OR51B5: variants seen among roughly 807,000 people sequenced by gnomAD.
OR51B5 encodes olfactory receptor family 51 subfamily B member 5, also known as olfactory receptor 51B5.
For synonymous variants in OR51B5, 186 were observed against 144.8 expected, an observed-to-expected ratio of 1.28 and a Z score of -2.04; for missense variants, 456 against 374.6, an observed-to-expected ratio of 1.22 and a Z score of -1.79.
intron 1 of OR51B5, among the ~76,000 whole-genome samples, chr11:5,483,042 A>G (rs953338216): frequency 1.4e-5 from 2 of 145,316 alleles, no homozygotes; most frequent in Non-Finnish European, 3.0e-5. Context: ...ATGCTGCTAT[A>G]AAGACACATG....
chr11:5,482,759 CTCA>C (rs1851443638), intron 1 of OR51B5, among the ~76,000 whole-genome samples: 1 of 71,242 alleles, frequency 1.4e-5, no homozygotes, highest in Non-Finnish European at 2.6e-5. Context: ...TGAAAAAATG[CTCA>C]TCATCACTGG....
chr11:5,377,852 G>A (rs1325597286), intron 1 of OR51B5, among the ~76,000 whole-genome samples: 1 of 152,062 alleles, frequency 6.6e-6, no homozygotes, highest in East Asian at 1.9e-4. Flanking sequence ...CTTATGGGTA[G>A]GAAGAATCAA....
chr11:5,460,745 G>T (rs961911788), intron 1 of OR51B5, among the ~76,000 whole-genome samples: 12 of 152,162 alleles, frequency 7.9e-5, no homozygotes, highest in African/African-American at 2.9e-4. Flanking sequence ...CCTTTCAACA[G>T]GGCTTTTGCT....
intron 1 of OR51B5, among the ~76,000 whole-genome samples, chr11:5,463,863 A>T (rs182268580): frequency 6.2e-4 from 94 of 152,320 alleles, no homozygotes; most frequent in Non-Finnish European, 2.6e-4. Context: ...TCCTTTTAAA[A>T]TGCTTTTAAA....
At position 5,389,305 on chromosome 11, in the gene OR51B5, G is replaced by C. The variant is rs990693394; in HGVS notation, n.85-42395C>G. On this transcript the variant is annotated intron_variant and non_coding_transcript_variant, in intron 1 of 4. Coordinates refer to the OR51B5 transcript ENST00000415970. ...AGTAGATAATACTAAAGGTGATGAT[G>C]ACCATGGTACTGCTTGTGATGTTGT... 30 of 1,200,772 alleles carry C rather than the reference G, an allele frequency of 2.5e-5. No homozygotes were observed. The Middle Eastern group carries it at 9.9e-4, about 40-fold the overall frequency. The allele number at this position is 1,200,772 out of a possible 1,614,324, so 74.4% of individuals were successfully genotyped here.
At chr11:5,457,874 G>A (rs536829901) in intron 1 of OR51B5, among the ~76,000 whole-genome samples, 5 of 152,106 alleles carry the variant, frequency 3.3e-5, no homozygotes, top group Non-Finnish European at 7.4e-5. Flanking sequence ...ACATTTGTCA[G>A]GTCCATAGTT....
intron 1 of OR51B5, among the ~76,000 whole-genome samples, chr11:5,377,879 A>G (rs555046631): frequency 3.2e-4 from 48 of 152,324 alleles, no homozygotes; most frequent in African/African-American, 1.1e-3. Flanking sequence ...CAAAATGGCC[A>G]TAATGCCCAA....
chr11:5,425,617 G>C (rs1850436718), intron 1 of OR51B5, among the ~76,000 whole-genome samples: 1 of 151,964 alleles, frequency 6.6e-6, no homozygotes, highest in Non-Finnish European at 1.5e-5. Context: ...TTTTTTAATT[G>C]GGAAATGTGT....
chr11:5,371,979 T>C (rs1233552458), intron 1 of OR51B5, among the ~76,000 whole-genome samples: 3 of 152,190 alleles, frequency 2.0e-5, no homozygotes, highest in Admixed American at 6.5e-5. Flanking sequence ...ATTCCACATA[T>C]AAGTAATATC....
chr11:5,430,959 A>G lies in OR51B5; in HGVS notation n.84+74610T>C, dbSNP rs1316788607. Reference sequence around the variant, plus strand: ...GAATCAAGACATAAGAGACCACGATAAGCAATGAGTCCAGCCCGAAATTTG... The same window carrying G: ...GAATCAAGACATAAGAGACCACGATGAGCAATGAGTCCAGCCCGAAATTTG... On this transcript the variant is annotated intron_variant and non_coding_transcript_variant, in intron 1 of 4. Coordinates refer to the OR51B5 transcript ENST00000415970. 6.6e-6 allele frequency: 3 copies of G among 457,024 alleles called. No individual in the cohort carries two copies. The East Asian group carries it at 2.1e-4, about 32-fold the overall frequency. 28.3% of individuals were successfully genotyped at this position (457,024 alleles called of 1,614,324 possible). A position where few individuals can be genotyped will look rare whatever the true frequency, so the allele number is the denominator to read the frequency against.
chr11:5,407,023 T>C (rs1431122432), intron 1 of OR51B5, among the ~76,000 whole-genome samples: 2 of 152,038 alleles, frequency 1.3e-5, no homozygotes, highest in Admixed American at 6.5e-5. Context: ...TTTAAAAGAT[T>C]TGAAAAACAT....
intron 1 of OR51B5, among the ~76,000 whole-genome samples, chr11:5,409,985 G>C (rs1339882291): frequency 6.6e-6 from 1 of 152,088 alleles, no homozygotes; most frequent in Non-Finnish European, 1.5e-5. Flanking sequence ...AAAGATAATA[G>C]ATTTATATAT....
chr11:5,481,698 A>G (rs1384682130), intron 1 of OR51B5, among the ~76,000 whole-genome samples: 1 of 118,248 alleles, frequency 8.5e-6, no homozygotes, highest in African/African-American at 3.8e-5. Flanking sequence ...AATCACAAGC[A>G]TTCTTATACA....
chr11:5,370,491 G>C (rs1849431090), intron 1 of OR51B5, among the ~76,000 whole-genome samples: 1 of 152,146 alleles, frequency 6.6e-6, no homozygotes, highest in Non-Finnish European at 1.5e-5. Flanking sequence ...TTTAATGCCA[G>C]AAAATATCTA....
intron 1 of OR51B5, among the ~76,000 whole-genome samples, chr11:5,369,099 A>C (rs1276742830): frequency 6.6e-6 from 1 of 152,196 alleles, no homozygotes; most frequent in Non-Finnish European, 1.5e-5. Flanking sequence ...GGCCACCTAG[A>C]GACATATGGC....
rs76886879 is a variant in OR51B5, at chr11:5,486,623, C to T, written n.84+18946G>A. On this transcript the variant is annotated intron_variant and non_coding_transcript_variant, in intron 1 of 4. Transcript: ENST00000415970. ...CTACAGAGCACACAATGGGCATCCC[C>T]GCCCCTGCATTCATCATTGTTTCCA... 6.2e-3 allele frequency among the ~76,000 whole-genome samples: 944 copies of T among 152,272 alleles called. 10 individuals carry two copies. Among genetic ancestry groups the T allele is most frequent in the African/African-American group, 0.021 (870 of 41,538 alleles).
At chr11:5,385,149 TA>T (rs1418762663) in intron 1 of OR51B5, among the ~76,000 whole-genome samples, 3 of 152,242 alleles carry the variant, frequency 2.0e-5, no homozygotes, top group Admixed American at 6.5e-5. Context: ...CTGCCTTGAA[TA>T]TTTTAATTAT....
At chr11:5,505,413 A>G in intron 1 of OR51B5, 2 of 1,304,252 alleles carry the variant, frequency 1.5e-6, no homozygotes, top group Non-Finnish European at 2.0e-6. Context: ...GCACCACCAT[A>G]AACAATAGGT....
intron 1 of OR51B5, among the ~76,000 whole-genome samples, chr11:5,433,885 T>C (rs777977422): frequency 2.6e-5 from 4 of 152,136 alleles, no homozygotes; most frequent in Non-Finnish European, 5.9e-5. Flanking sequence ...AATGTAATTA[T>C]GAGAATGATC....
Sources: gnomAD v4.1 joint callset for allele counts (sites outside exome capture counted in the v4.1 genomes callset) on GRCh38, gnomAD v4.1.1 for gene constraint, MANE v1.5 for transcripts, NCBI Gene and HGNC (gene_info 2026-07-23, HGNC 2026-07-21) for gene names.